Variants in NPAS2 observed in about 807,000 individuals in gnomAD.
NPAS2 encodes the protein neuronal PAS domain-containing protein 2.
In NPAS2, 23 loss-of-function variants were observed where a neutral mutation model predicts 107.5. That is an observed-to-expected ratio of 0.21 (90% CI 0.15 to 0.30). The LOEUF (loss-of-function observed/expected upper bound fraction) is 0.30, where lower values mean the gene tolerates loss of function less well. Ranked by LOEUF, NPAS2 falls within the 10% of genes least tolerant of loss-of-function variation. NPAS2 has a pLI of 1.00. For missense variants in NPAS2, 756 were observed against 1,043.3 expected (o/e 0.72, Z 3.79); for synonymous variants, 403 against 417.5 (o/e 0.97, Z 0.42).
At chr2:100,970,737 T>A (rs181907033) in intron 11 of NPAS2, 98 of 399,402 alleles carry the variant, frequency 2.5e-4, no homozygotes, top group African/African-American at 1.9e-3. Flanking sequence ...GAATAGTAAA[T>A]GAGAGGGGAA....
At chr2:100,862,178 A>G (rs1385187619) in intron 1 of NPAS2, among the ~76,000 whole-genome samples, 3 of 152,200 alleles carry the variant, frequency 2.0e-5, no homozygotes, top group African/African-American at 7.2e-5. Flanking sequence ...CATCTCAAAG[A>G]AAGCTGTAGT....
rs371847744 is a variant in NPAS2, at chr2:100,875,671, C to T, written c.-22-29062C>T. On this transcript the variant is annotated intron_variant, in intron 1 of 20. Transcript: ENST00000335681. ...CCCCTTAGCTTTGTAGACCGAAGGT[C>T]GTTTACTTTGGCATTTTTAACAAAG... Among the ~76,000 whole-genome samples the T allele has an allele frequency of 3.3e-5, 5 of 152,320 alleles. No homozygotes were observed. In the South Asian group the frequency reaches 1.0e-3, roughly 32 times the overall value.
At chr2:100,955,318 G>T (rs1675503550) in intron 7 of NPAS2, among the ~76,000 whole-genome samples, 1 of 152,188 alleles carries the variant, frequency 6.6e-6, no homozygotes, top group Admixed American at 6.5e-5. Context: ...GGAATGGGAA[G>T]GACAGCGACC....
chr2:100,872,145 G>A (rs1293457030), intron 1 of NPAS2, among the ~76,000 whole-genome samples: 1 of 152,208 alleles, frequency 6.6e-6, no homozygotes, highest in Non-Finnish European at 1.5e-5. Flanking sequence ...ACCAGCAAGT[G>A]TGTTTTGTGT....
intron 1 of NPAS2, among the ~76,000 whole-genome samples, chr2:100,838,992 T>A (rs1233490464): frequency 6.6e-6 from 1 of 152,182 alleles, no homozygotes; most frequent in Non-Finnish European, 1.5e-5. Context: ...TGAATGTGCC[T>A]GACTCTCCTG....
At chr2:100,990,161 G>T in intron 17 of NPAS2, 95 bp from the exon 18 acceptor site, 1 of 1,075,624 alleles carries the variant, frequency 9.3e-7, no homozygotes, top group Non-Finnish European at 1.4e-6. Context: ...GGAAAGGCAA[G>T]GGTAGGTAGA....
At chr2:100,891,084 T>A (rs1240630181) in intron 1 of NPAS2, among the ~76,000 whole-genome samples, 1 of 151,852 alleles carries the variant, frequency 6.6e-6, no homozygotes, top group Non-Finnish European at 1.5e-5. Flanking sequence ...TACAAAAAAT[T>A]AGCCGGGCGT....
chr2:100,992,565 G>A (rs536154797), intron 19 of NPAS2, among the ~76,000 whole-genome samples: 1 of 152,126 alleles, frequency 6.6e-6, no homozygotes, highest in African/African-American at 2.4e-5. Context: ...CCTCGTTCTC[G>A]ATCTCCTCCC....
intron 4 of NPAS2, among the ~76,000 whole-genome samples, chr2:100,935,524 A>G (rs570489771): frequency 3.9e-5 from 6 of 152,332 alleles, no homozygotes; most frequent in Non-Finnish European, 7.3e-5. Context: ...TCTTAAAGCA[A>G]TGACTCAGTG....
intron 5 of NPAS2, among the ~76,000 whole-genome samples, chr2:100,947,918 C>A (rs1675000713): frequency 6.6e-6 from 1 of 152,208 alleles, no homozygotes; most frequent in Non-Finnish European, 1.5e-5. Context: ...CTACCCCAGC[C>A]AAAACGCAGG....
At chr2:100,980,158 G>A (rs36055153) in intron 15 of NPAS2, among the ~76,000 whole-genome samples, 18,284 of 152,030 alleles carry the variant, frequency 0.12, 1,216 homozygotes, top group Non-Finnish European at 0.16. Flanking sequence ...GGGAGGCCTT[G>A]AAAAAATCCG....
At chr2:100,937,909 C>A in intron 5 of NPAS2, 67 bp downstream of exon 5, 1 of 1,238,058 alleles carries the variant, frequency 8.1e-7, no homozygotes, top group Non-Finnish European at 1.2e-6. Context: ...ATCATTAGAT[C>A]TCAGATGGAA....
At chr2:100,993,063 G>A (rs1033046831) in intron 19 of NPAS2, among the ~76,000 whole-genome samples, 5 of 152,004 alleles carry the variant, frequency 3.3e-5, no homozygotes, top group Admixed American at 3.3e-4. Context: ...CCAAGTAGCT[G>A]GGACTACAGG....
At chr2:100,828,055 T>C (rs1488149204) in intron 1 of NPAS2, among the ~76,000 whole-genome samples, 1 of 151,206 alleles carries the variant, frequency 6.6e-6, no homozygotes, top group East Asian at 2.0e-4. Context: ...AGTGTTCTCT[T>C]GTCTCCACAG....
intron 7 of NPAS2, among the ~76,000 whole-genome samples, chr2:100,955,907 G>A (rs1351995608): frequency 6.6e-6 from 1 of 151,926 alleles, no homozygotes; most frequent in Non-Finnish European, 1.5e-5. Context: ...TTTTTTGTTT[G>A]TTTGTTTGTT....
At position 100,993,280 on chromosome 2, in the gene NPAS2, G is replaced by A. The variant is rs565995320; in HGVS notation, c.2112-67G>A. ...CTTATTTGTTTTTTCTTTGTTGCTC[G>A]TGCTTTTGGTGTCGTATCAATACTG... On this transcript the variant is annotated intron_variant, in intron 19 of 20. Transcript: ENST00000335681. 5.4e-5 allele frequency: 75 copies of A among 1,396,696 alleles called. 1 individual carries two copies. The East Asian group carries it at 5.9e-4, about 11-fold the overall frequency. The allele number at this position is 1,396,696 out of a possible 1,614,324, so 86.5% of individuals were successfully genotyped here.
Position 100,887,393 on chromosome 2 carries a change from C to G in NPAS2, c.-22-17340C>G, listed in dbSNP as rs117054110. Among the ~76,000 whole-genome samples, 324 of 152,340 alleles carry G rather than the reference C, an allele frequency of 2.1e-3. 8 individuals carry two copies. In the East Asian group the frequency reaches 0.058, roughly 27 times the overall value. ...GGCCTTGTGCCCACCAATCCTGGCACCACTGAACCACTGACTCAAGTCCGT... is the reference window on the plus strand; with the variant it reads ...GGCCTTGTGCCCACCAATCCTGGCAGCACTGAACCACTGACTCAAGTCCGT... On this transcript the variant is annotated intron_variant, in intron 1 of 20. Transcript: ENST00000335681.
rs184561239 is a variant in NPAS2, at chr2:100,970,660, C to T, written c.1056-330C>T. On this transcript the variant is annotated intron_variant, in intron 11 of 20. Coordinates refer to ENST00000335681, the MANE Select transcript of NPAS2 (RefSeq NM_002518.4). ...CCTTCTAATTATTTAAAGGCAGAAG[C>T]TTATCCCATAGACGAAAATGTGTTT... 7 of 224,130 alleles carry T rather than the reference C, an allele frequency of 3.1e-5. No individual in the cohort carries two copies. The Admixed American group carries it at 3.9e-4, about 12-fold the overall frequency. The allele number at this position is 224,130 out of a possible 1,614,324, so 13.9% of individuals were successfully genotyped here. A position where few individuals can be genotyped will look rare whatever the true frequency, so the allele number is the denominator to read the frequency against.
chr2:100,943,854 C>T (rs1674727897), intron 5 of NPAS2, among the ~76,000 whole-genome samples: 1 of 152,210 alleles, frequency 6.6e-6, no homozygotes, highest in Non-Finnish European at 1.5e-5. Context: ...TCCAATTTTA[C>T]CAGATGCCAA....
Sources: allele counts gnomAD v4.1 joint callset (sites outside exome capture counted in the v4.1 genomes callset), GRCh38; gene constraint gnomAD v4.1.1; transcripts MANE v1.5; gene names NCBI Gene and HGNC (gene_info 2026-07-23, HGNC 2026-07-21).